Variants in MAMDC2 observed in about 807,000 individuals in gnomAD.
MAMDC2 encodes MAM domain containing 2, also known as MAM domain-containing protein 2.
In MAMDC2, 57 loss-of-function variants were observed where a neutral mutation model predicts 89.8. The observed-to-expected ratio is 0.63, with a 90% CI of 0.51 to 0.79. The LOEUF (loss-of-function observed/expected upper bound fraction) is 0.79, where lower values mean the gene tolerates loss of function less well. MAMDC2 is among the 30% of genes least tolerant of loss of function. The pLI is 0.00. For synonymous variants in MAMDC2, 313 were observed against 293.4 expected (o/e 1.07, Z -0.68); for missense variants, 800 against 820.6 (o/e 0.97, Z 0.31).
At chr9:70,136,181 T>A (rs2031001259) in intron 7 of MAMDC2, among the ~76,000 whole-genome samples, 2 of 152,084 alleles carry the variant, frequency 1.3e-5, no homozygotes, top group Non-Finnish European at 2.9e-5. Context: ...AAACTCTCTA[T>A]GTTTTGCCTA....
chr9:70,056,967 A>G (rs1373076090), intron 2 of MAMDC2, among the ~76,000 whole-genome samples: 1 of 152,218 alleles, frequency 6.6e-6, no homozygotes, highest in Non-Finnish European at 1.5e-5. Context: ...GCAACTTTCT[A>G]GTTGCAGAAA....
At chr9:70,081,524 G>C (rs2309583) in intron 2 of MAMDC2, 1 of 152,132 alleles carries the variant, frequency 6.6e-6, no homozygotes, top group Non-Finnish European at 1.5e-5. Flanking sequence ...TTAATGTTTC[G>C]TATTATGAGT....
chr9:70,130,225 A>G (rs867971539), intron 6 of MAMDC2, among the ~76,000 whole-genome samples: 1 of 152,118 alleles, frequency 6.6e-6, no homozygotes, highest in South Asian at 2.1e-4. Context: ...ATTGTGTGTG[A>G]GGGATGCAGG....
intron 2 of MAMDC2, among the ~76,000 whole-genome samples, chr9:70,077,836 A>C (rs1477255939): frequency 6.6e-6 from 1 of 152,226 alleles, no homozygotes; most frequent in African/African-American, 2.4e-5. Context: ...CATTTGCAAG[A>C]AACAAAGCAG....
rs12335582 is a variant in MAMDC2 at position 70,109,848 on chromosome 9, T to C, written c.505+44T>C. On this transcript the variant is annotated intron_variant, in intron 4 of 13. Coordinates refer to ENST00000377182, the MANE Select transcript of MAMDC2 (RefSeq NM_153267.5). ...CATTAAATCAAATTGTGAATCTTTTTCTAAAAGTTACTGTTGCCAGAGGGA... is the reference window on the plus strand; with the variant it reads ...CATTAAATCAAATTGTGAATCTTTTCCTAAAAGTTACTGTTGCCAGAGGGA... 1.2e-4 allele frequency: 190 copies of C among 1,527,162 alleles called. 1 individual carries two copies. The African/African-American group carries it at 1.7e-3, about 13-fold the overall frequency. The allele number at this position is 1,527,162 out of a possible 1,614,324, so 94.6% of individuals were successfully genotyped here.
At chr9:70,212,436 G>T (rs2033374066) in intron 11 of MAMDC2, among the ~76,000 whole-genome samples, 1 of 152,256 alleles carries the variant, frequency 6.6e-6, no homozygotes, top group African/African-American at 2.4e-5. Context: ...CCAGGCACGG[G>T]ATATAATCTC....
intron 5 of MAMDC2, among the ~76,000 whole-genome samples, chr9:70,113,481 A>C (rs1198474087): frequency 6.6e-6 from 1 of 152,226 alleles, no homozygotes; most frequent in Non-Finnish European, 1.5e-5. Flanking sequence ...CAAGGCTGGA[A>C]AAATCCTAGG....
intron 11 of MAMDC2, among the ~76,000 whole-genome samples, chr9:70,210,442 C>T (rs891833793): frequency 3.3e-5 from 5 of 152,184 alleles, no homozygotes; most frequent in African/African-American, 1.2e-4. Flanking sequence ...TTATCGAAGA[C>T]TAGGATTGCA....
intron 2 of MAMDC2, among the ~76,000 whole-genome samples, chr9:70,099,887 A>G (rs948457907): frequency 2.0e-5 from 3 of 151,732 alleles, no homozygotes; most frequent in Non-Finnish European, 2.9e-5. Context: ...AGGCAGGAGA[A>G]TCGCTTGAAC....
intron 9 of MAMDC2, among the ~76,000 whole-genome samples, chr9:70,150,549 C>G (rs2031549925): frequency 6.6e-6 from 1 of 152,196 alleles, no homozygotes; most frequent in Non-Finnish European, 1.5e-5. Flanking sequence ...CTACTTTGTG[C>G]TGGGCAGCAC....
At chr9:70,106,086 C>T (rs1828333214) in intron 2 of MAMDC2, 1 of 152,238 alleles carries the variant, frequency 6.6e-6, no homozygotes, top group East Asian at 1.9e-4. Context: ...TGCAGCATCA[C>T]CCCAGCTCTA....
At chr9:70,147,053 C>T (rs1198104839) in intron 9 of MAMDC2, among the ~76,000 whole-genome samples, 5 of 149,822 alleles carry the variant, frequency 3.3e-5, no homozygotes, top group African/African-American at 9.9e-5. Context: ...GTCAGGAGTT[C>T]GAGACCAGCC....
chr9:70,178,488 A>G (rs140884045), intron 11 of MAMDC2, among the ~76,000 whole-genome samples: 313 of 152,344 alleles, frequency 2.1e-3, no homozygotes, highest in African/African-American at 6.7e-3. Flanking sequence ...TCAAGTTTCC[A>G]ACTCATGAGT....
chr9:70,203,071 G>A (rs2033138189), intron 11 of MAMDC2, among the ~76,000 whole-genome samples: 1 of 151,962 alleles, frequency 6.6e-6, no homozygotes, highest in Admixed American at 6.6e-5. Context: ...AGTTAATATT[G>A]TTATGTGTGA....
chr9:70,113,182 G>C, intron 5 of MAMDC2, 50 bp downstream of exon 5: 1 of 1,598,924 alleles, frequency 6.3e-7, no homozygotes, highest in South Asian at 1.1e-5. Context: ...TTTTTCTGCT[G>C]TCTCCTCCCA....
intron 11 of MAMDC2, among the ~76,000 whole-genome samples, chr9:70,199,441 A>G (rs186861193): frequency 3.4e-4 from 50 of 148,126 alleles, no homozygotes; most frequent in Non-Finnish European, 6.1e-4. Flanking sequence ...TTCTTAATCC[A>G]GTCTATCATT....
At chr9:70,159,243 A>C (rs1345525066) in intron 9 of MAMDC2, among the ~76,000 whole-genome samples, 2 of 152,190 alleles carry the variant, frequency 1.3e-5, no homozygotes. Context: ...TTCTACATCT[A>C]GGGATTTATC....
intron 2 of MAMDC2, chr9:70,088,287 G>C (rs936537799): frequency 3.3e-5 from 5 of 151,992 alleles, no homozygotes; most frequent in African/African-American, 1.2e-4. Context: ...TAAGAACAAT[G>C]GGGGAAAAAC....
At chr9:70,085,405 T>C (rs138669270) in intron 2 of MAMDC2, among the ~76,000 whole-genome samples, 2 of 152,188 alleles carry the variant, frequency 1.3e-5, no homozygotes, top group South Asian at 2.1e-4. Context: ...CTTAGGGTCT[T>C]AGTTTTGTCA....
Sources: gnomAD v4.1 joint callset for allele counts (sites outside exome capture counted in the v4.1 genomes callset) on GRCh38, gnomAD v4.1.1 for gene constraint, MANE v1.5 for transcripts, NCBI Gene and HGNC (gene_info 2026-07-23, HGNC 2026-07-21) for gene names.